The following SND1 variants were observed in gnomAD, a reference collection of about 807,000 sequenced individuals.
SND1 encodes staphylococcal nuclease and tudor domain containing 1.
SND1 carries 38 observed loss-of-function variants against 121.7 expected under a neutral mutation model. The ratio of observed to expected loss-of-function variants is 0.31; its 90% CI spans 0.24 to 0.41. The LOEUF is 0.41. Among genes scored for constraint, SND1 ranks in the 10% least tolerant of loss-of-function variants. The pLI is 1.00. For synonymous variants in SND1, 401 were observed against 447.4 expected, an observed-to-expected ratio of 0.90 and a Z score of 1.31; for missense variants, 868 against 1,184.6, an observed-to-expected ratio of 0.73 and a Z score of 3.92.
chr7:127,858,075 G>T, intron 12 of SND1: 1 of 1,067,622 alleles, frequency 9.4e-7, no homozygotes, highest in East Asian at 2.4e-5. Context: ...CTCCTCTCTG[G>T]GTAGGGGTTG....
intron 12 of SND1, among the ~76,000 whole-genome samples, chr7:127,844,681 C>A (rs916753533): frequency 6.6e-6 from 1 of 152,118 alleles, no homozygotes; most frequent in Non-Finnish European, 1.5e-5. Flanking sequence ...AAGTACACAT[C>A]ATTACTATTA....
At chr7:127,997,276 C>T (rs1802684683) in intron 16 of SND1, among the ~76,000 whole-genome samples, 1 of 152,162 alleles carries the variant, frequency 6.6e-6, no homozygotes, top group South Asian at 2.1e-4. Flanking sequence ...CCATATTTTA[C>T]CATTTTTCAA....
chr7:127,851,906 C>T (rs1298580445), intron 12 of SND1, among the ~76,000 whole-genome samples: 1 of 152,062 alleles, frequency 6.6e-6, no homozygotes, highest in Admixed American at 6.6e-5. Flanking sequence ...CCTATAATCC[C>T]AGCACTTAAG....
At chr7:127,755,508 A>G (rs1231859763) in intron 10 of SND1, among the ~76,000 whole-genome samples, 1 of 152,236 alleles carries the variant, frequency 6.6e-6, no homozygotes, top group Non-Finnish European at 1.5e-5. Flanking sequence ...AAAAAGTCAA[A>G]TCTGTCTTGT....
chr7:127,935,713 G>A (rs1411909690), intron 15 of SND1, among the ~76,000 whole-genome samples: 3 of 152,310 alleles, frequency 2.0e-5, no homozygotes, highest in African/African-American at 7.2e-5. Flanking sequence ...CCTGGGCAGC[G>A]ATTGTCCTGC....
At chr7:128,030,500 G>A (rs1425376966) in intron 16 of SND1, 3 of 1,613,378 alleles carry the variant, frequency 1.9e-6, no homozygotes, top group Non-Finnish European at 2.5e-6. Context: ...AGCAGACGGA[G>A]GGGCAGTTCT....
At chr7:128,079,801 A>G (rs1793566719) in intron 17 of SND1, among the ~76,000 whole-genome samples, 1 of 152,206 alleles carries the variant, frequency 6.6e-6, no homozygotes, top group South Asian at 2.1e-4. Context: ...AAGTTTGACC[A>G]ATGTCAAATG....
chr7:127,654,578 A>G (rs191818479), intron 1 of SND1, among the ~76,000 whole-genome samples: 1 of 152,320 alleles, frequency 6.6e-6, no homozygotes, highest in African/African-American at 2.4e-5. Context: ...AAAAGATTAG[A>G]TGTTACTCCT....
At chr7:127,991,498 T>C (rs1056669201) in intron 16 of SND1, among the ~76,000 whole-genome samples, 6 of 152,232 alleles carry the variant, frequency 3.9e-5, no homozygotes, top group Non-Finnish European at 8.8e-5. Context: ...TTTCTGTTTC[T>C]GCCTGTTGGG....
Position 128,029,243 on chromosome 7 carries a change from A to T in SND1, c.1779+38187A>T. 1 of 1,614,106 alleles carries T rather than the reference A, an allele frequency of 6.2e-7. No individual in the cohort carries two copies. Among genetic ancestry groups the T allele is most frequent in the African/African-American group, 1.3e-5 (1 of 75,018 alleles). ...GCTTGTACTTTCGCGTTGTGTCCTCAGGCGAGATCTCCGTGGTCTCCACTG... is the reference window on the plus strand; with the variant it reads ...GCTTGTACTTTCGCGTTGTGTCCTCTGGCGAGATCTCCGTGGTCTCCACTG... On this transcript the variant is annotated intron_variant, in intron 16 of 23. Coordinates refer to ENST00000354725, the MANE Select transcript of SND1 (RefSeq NM_014390.4). The surrounding 1 kb of genome is among the most constrained non-coding windows in gnomAD (Gnocchi z 4.2).
chr7:127,913,355 C>T (rs1800500691), intron 14 of SND1, among the ~76,000 whole-genome samples: 2 of 152,186 alleles, frequency 1.3e-5, no homozygotes, highest in Non-Finnish European at 2.9e-5. Context: ...GCATTTGCAA[C>T]AGGGTCCTAG....
At chr7:128,037,771 A>T (rs1481235711) in intron 16 of SND1, among the ~76,000 whole-genome samples, 1 of 152,218 alleles carries the variant, frequency 6.6e-6, no homozygotes, top group African/African-American at 2.4e-5. Context: ...CACATGAGCC[A>T]AGAGAAGGGG....
At chr7:127,678,670 G>A (rs1795656871) in intron 1 of SND1, among the ~76,000 whole-genome samples, 1 of 152,186 alleles carries the variant, frequency 6.6e-6, no homozygotes, top group African/African-American at 2.4e-5. Flanking sequence ...CACAGCTTAT[G>A]TTGTTTTGGG....
chr7:127,881,830 G>A (rs911636279), intron 12 of SND1, among the ~76,000 whole-genome samples: 56 of 152,154 alleles, frequency 3.7e-4, no homozygotes, highest in African/African-American at 1.3e-3. Flanking sequence ...CTGGAGTGCA[G>A]TGGTGTGACC....
chr7:127,703,408 G>A, intron 7 of SND1, 85 bp downstream of exon 7: 3 of 1,468,826 alleles, frequency 2.0e-6, no homozygotes, highest in Non-Finnish European at 2.8e-6. Context: ...CTCTTTCTCT[G>A]TATTTAACAT....
At chr7:128,086,153 C>T (rs560455548) in intron 20 of SND1, among the ~76,000 whole-genome samples, 1 of 152,310 alleles carries the variant, frequency 6.6e-6, no homozygotes, top group African/African-American at 2.4e-5. Context: ...TGCGCTAATC[C>T]CCGGCACATC....
chr7:127,785,176 T>TCCCACAGTGA (rs1444801438), intron 10 of SND1, among the ~76,000 whole-genome samples: 2 of 152,196 alleles, frequency 1.3e-5, no homozygotes, highest in Admixed American at 1.3e-4. Context: ...CCCACAGTGC[T>TCCCACAGTGA]GGGATTATAG....
intron 11 of SND1, among the ~76,000 whole-genome samples, chr7:127,827,461 A>G (rs1208951973): frequency 6.6e-6 from 1 of 152,186 alleles, no homozygotes; most frequent in Non-Finnish European, 1.5e-5. Context: ...ACCCCTTTTC[A>G]TAATTTGGGG....
At chr7:127,835,230 T>A (rs1192735113) in intron 11 of SND1, among the ~76,000 whole-genome samples, 2 of 152,228 alleles carry the variant, frequency 1.3e-5, no homozygotes, top group Non-Finnish European at 2.9e-5. Flanking sequence ...CCTCTCATCA[T>A]AGTTTCATTA....
Sources: allele counts gnomAD v4.1 joint callset (sites outside exome capture counted in the v4.1 genomes callset), GRCh38; gene constraint gnomAD v4.1.1; non-coding constraint Gnocchi (gnomAD v3.1); transcripts MANE v1.5; gene names NCBI Gene and HGNC (gene_info 2026-07-23, HGNC 2026-07-21).